CSMD1: variants seen among roughly 807,000 people sequenced by gnomAD.
The protein encoded by CSMD1 is CUB and Sushi multiple domains 1.
A neutral mutation model predicts 417.5 loss-of-function variants in CSMD1; 213 were observed. The observed-to-expected ratio is 0.51, with a 90% CI of 0.46 to 0.57. The LOEUF (loss-of-function observed/expected upper bound fraction) is 0.57. Ranked by LOEUF, CSMD1 falls within the 20% of genes least tolerant of loss-of-function variation. The probability of loss-of-function intolerance (pLI) is 0.00; values close to 1 mark genes in which losing one functional copy is unlikely to be tolerated. For missense variants in CSMD1, 6,923 were observed against 4,529.7 expected (o/e 1.53, Z -15.17); for synonymous variants, 2,862 against 1,736.8 (o/e 1.65, Z -16.11).
chr8:3,878,642 C>G (rs1805996215), intron 5 of CSMD1, among the ~76,000 whole-genome samples: 1 of 152,140 alleles, frequency 6.6e-6, no homozygotes, highest in African/African-American at 2.4e-5. Context: ...AGAAAAATCT[C>G]CAAAAGACCC....
Position 3,005,380 on chromosome 8 carries a change from C to T in CSMD1, c.8030-5249G>A, listed in dbSNP as rs551052769. ...TGGTACCATTCCTTCTGAAACTATTCCAATTAATAGAAAAAGACGGAATCC... is the reference window on the plus strand; with the variant it reads ...TGGTACCATTCCTTCTGAAACTATTTCAATTAATAGAAAAAGACGGAATCC... On this transcript the variant is annotated intron_variant, in intron 52 of 69. Transcript: ENST00000635120. Among the ~76,000 whole-genome samples, 646 of 152,232 alleles carry T rather than the reference C, an allele frequency of 4.2e-3. 6 individuals are homozygous for T. Among genetic ancestry groups the T allele is most frequent in the African/African-American group, 0.015 (605 of 41,532 alleles).
At chr8:3,188,056 G>GTGTATATGTATATATATACATA in intron 35 of CSMD1, 91 bp from the exon 36 acceptor site, 1 of 651,520 alleles carries the variant, frequency 1.5e-6, no homozygotes. Flanking sequence ...CATGATTAAG[G>GTGTATATGTATATATATACATA]TGTATATGTA....
At chr8:4,773,862 C>T (rs1215411256) in intron 1 of CSMD1, among the ~76,000 whole-genome samples, 2 of 152,172 alleles carry the variant, frequency 1.3e-5, no homozygotes, top group Admixed American at 1.3e-4. Context: ...TTTTGAAACT[C>T]ACCAGTGCCC....
At chr8:4,310,177 T>C (rs1310577848) in intron 3 of CSMD1, among the ~76,000 whole-genome samples, 1 of 152,152 alleles carries the variant, frequency 6.6e-6, no homozygotes, top group African/African-American at 2.4e-5. Context: ...CATCAGACCA[T>C]AAAGAAACAA....
At chr8:3,295,291 A>AT (rs1256267079) in intron 25 of CSMD1, among the ~76,000 whole-genome samples, 2 of 151,456 alleles carry the variant, frequency 1.3e-5, no homozygotes, top group African/African-American at 4.9e-5. Context: ...CACATGGCTA[A>AT]TTTTTTTGTA....
At chr8:3,477,279 T>A (rs1477070545) in intron 11 of CSMD1, among the ~76,000 whole-genome samples, 1 of 152,202 alleles carries the variant, frequency 6.6e-6, no homozygotes, top group Non-Finnish European at 1.5e-5. Flanking sequence ...ACCTTTAATA[T>A]ACTCATTACA....
intron 3 of CSMD1, among the ~76,000 whole-genome samples, chr8:4,047,737 T>C (rs1167922438): frequency 6.6e-6 from 1 of 151,758 alleles, no homozygotes; most frequent in Non-Finnish European, 1.5e-5. Context: ...TGGAGAAAAA[T>C]AAATCAAGAG....
At chr8:3,663,193 G>A (rs954931255) in intron 7 of CSMD1, among the ~76,000 whole-genome samples, 2 of 152,144 alleles carry the variant, frequency 1.3e-5, no homozygotes, top group Admixed American at 6.5e-5. Context: ...CCAGCACAGA[G>A]AAAGCGTGAA....
At chr8:3,819,628 G>C (rs57211383) in intron 5 of CSMD1, among the ~76,000 whole-genome samples, 1 of 151,954 alleles carries the variant, frequency 6.6e-6, no homozygotes, top group African/African-American at 2.4e-5. Flanking sequence ...TTGTTGCCCA[G>C]GCTGGAGTAC....
chr8:3,672,634 T>C (rs74893419), intron 7 of CSMD1, among the ~76,000 whole-genome samples: 4,747 of 152,296 alleles, frequency 0.031, 120 homozygotes, highest in East Asian at 0.13. Flanking sequence ...TACTTTTTCA[T>C]CCGGTCAGAG....
At chr8:3,093,271 TG>T (rs1815071715) in intron 47 of CSMD1, among the ~76,000 whole-genome samples, 1 of 152,128 alleles carries the variant, frequency 6.6e-6, no homozygotes, top group African/African-American at 2.4e-5. Flanking sequence ...ACGCCCTGAG[TG>T]GGGGCCACAT....
chr8:3,290,019 G>T lies in CSMD1; in HGVS notation c.3951-5673C>A, dbSNP rs1803432268. 1.4e-5 allele frequency among the ~76,000 whole-genome samples: 2 copies of T among 147,186 alleles called. 1 individual carries two copies. The highest frequency in any genetic ancestry group is 5.4e-5 in the African/African-American group (2 of 36,992). ...AATTTTTGTGTAAGGTGTAAGGAAGGGATCCAGTTTCAGCTTTCTACATAT... is the reference window on the plus strand; with the variant it reads ...AATTTTTGTGTAAGGTGTAAGGAAGTGATCCAGTTTCAGCTTTCTACATAT... On this transcript the variant is annotated intron_variant, in intron 25 of 69. Coordinates refer to ENST00000635120, the MANE Select transcript of CSMD1 (RefSeq NM_033225.6).
chr8:2,994,975 A>T (rs942320988), intron 54 of CSMD1, among the ~76,000 whole-genome samples: 1 of 152,230 alleles, frequency 6.6e-6, no homozygotes, highest in African/African-American at 2.4e-5. Context: ...GACAAAATAG[A>T]GGAACACTTC....
rs565466449 is a variant in CSMD1, at chr8:3,732,859, T to C, written c.931+21071A>G. Among the ~76,000 whole-genome samples the C allele has an allele frequency of 6.1e-4, 93 of 152,236 alleles. 1 individual carries two copies. In the South Asian group the frequency reaches 0.019, roughly 31 times the overall value. On this transcript the variant is annotated intron_variant, in intron 6 of 69. Coordinates refer to ENST00000635120, the MANE Select transcript of CSMD1 (RefSeq NM_033225.6). ...GATTCAAGACTATTTTGAAATCTGT[T>C]TTAAAAGAGATCTATCTATCTATCC...
chr8:4,520,997 T>C (rs912256846), intron 2 of CSMD1, among the ~76,000 whole-genome samples: 2 of 152,186 alleles, frequency 1.3e-5, no homozygotes, highest in Admixed American at 6.5e-5. Flanking sequence ...GCTCATTATA[T>C]TGCTGTTGCC....
chr8:3,085,837 G>T (rs1814491513), intron 49 of CSMD1, among the ~76,000 whole-genome samples: 1 of 152,136 alleles, frequency 6.6e-6, no homozygotes, highest in Non-Finnish European at 1.5e-5. Flanking sequence ...CATGTGCCTG[G>T]CATCACCCGA....
intron 1 of CSMD1, among the ~76,000 whole-genome samples, chr8:4,695,930 G>A (rs952668088): frequency 1.3e-5 from 2 of 152,134 alleles, no homozygotes; most frequent in Non-Finnish European, 2.9e-5. Context: ...AATTACCATA[G>A]GATCTACATG....
chr8:3,179,373 C>G (rs1340073474), intron 37 of CSMD1, among the ~76,000 whole-genome samples: 1 of 152,012 alleles, frequency 6.6e-6, no homozygotes, highest in Non-Finnish European at 1.5e-5. Context: ...AAGAAAATAA[C>G]AAACAAAAAT....
At chr8:4,030,627 C>T (rs896479316) in intron 4 of CSMD1, among the ~76,000 whole-genome samples, 2 of 152,220 alleles carry the variant, frequency 1.3e-5, no homozygotes, top group Non-Finnish European at 2.9e-5. Flanking sequence ...AGACCTCTGA[C>T]ATGCCCTGGA....
Sources: allele counts gnomAD v4.1 joint callset (sites outside exome capture counted in the v4.1 genomes callset), GRCh38; gene constraint gnomAD v4.1.1; transcripts MANE v1.5; gene names NCBI Gene and HGNC (gene_info 2026-07-23, HGNC 2026-07-21).